NARS2: variants seen among roughly 807,000 people sequenced by gnomAD.
NARS2 encodes asparaginyl-tRNA synthetase 2, mitochondrial, also known as asparaginyl-tRNA synthetase.
NARS2 carries 60 observed loss-of-function variants against 62.9 expected under a neutral mutation model. The observed-to-expected ratio is 0.95, with a 90% CI of 0.77 to 1.18. The LOEUF (loss-of-function observed/expected upper bound fraction) is 1.18, where lower values mean the gene tolerates loss of function less well. NARS2 is among the 50% of genes most tolerant of loss of function. NARS2 has a pLI of 0.00. For synonymous variants in NARS2, 196 were observed against 200.0 expected, an observed-to-expected ratio of 0.98 and a Z score of 0.17; for missense variants, 619 against 576.4, an observed-to-expected ratio of 1.07 and a Z score of -0.76.
intron 5 of NARS2, among the ~76,000 whole-genome samples, chr11:78,541,944 T>C (rs1357981445): frequency 1.3e-5 from 2 of 152,200 alleles, no homozygotes; most frequent in African/African-American, 4.8e-5. Context: ...TATGTTAGTT[T>C]TGGGATTTGC....
intron 11 of NARS2, among the ~76,000 whole-genome samples, chr11:78,458,925 G>GT (rs199817987): frequency 0.032 from 4,738 of 149,430 alleles, 105 homozygotes; most frequent in Non-Finnish European, 0.045. Context: ...TTGTTTGTTT[G>GT]TTTGTTTTTT....
At chr11:78,566,848 C>G (rs1684111362) in intron 3 of NARS2, among the ~76,000 whole-genome samples, 1 of 152,138 alleles carries the variant, frequency 6.6e-6, no homozygotes, top group African/African-American at 2.4e-5. Context: ...TGCTCACATT[C>G]ATGTTACAAG....
intron 11 of NARS2, among the ~76,000 whole-genome samples, chr11:78,463,713 C>CAAAAAAAAAA (rs10649252): frequency 4.2e-5 from 2 of 47,988 alleles, no homozygotes; most frequent in African/African-American, 8.0e-5. Flanking sequence ...TAGTTAAGGT[C>CAAAAAAAAAA]AAAAAAAAAA....
At chr11:78,454,907 G>A (rs918633103) in intron 11 of NARS2, among the ~76,000 whole-genome samples, 6 of 152,084 alleles carry the variant, frequency 3.9e-5, no homozygotes, top group Non-Finnish European at 5.9e-5. Context: ...ATGAGCCACC[G>A]TGCCCAGCCA....
Position 78,574,832 on chromosome 11 carries a change from A to C in NARS2, c.-344T>G. 3 of 238,844 alleles carry C rather than the reference A, an allele frequency of 1.3e-5. No homozygotes were observed. Among genetic ancestry groups the C allele is most frequent in the East Asian group, 1.0e-4 (1 of 9,746 alleles). The allele number at this position is 238,844 out of a possible 1,614,324, so 14.8% of individuals were successfully genotyped here. A position where few individuals can be genotyped will look rare whatever the true frequency, so the allele number is the denominator to read the frequency against. On this transcript the variant is annotated 5_prime_UTR_variant, in exon 1 of 14. Coordinates refer to ENST00000281038, the MANE Select transcript of NARS2 (RefSeq NM_024678.6). ...CAACACGCGCAACCACTCCTACCACACCACGCCAACGCCGCTTACGTCATC... is the reference window on the plus strand; with the variant it reads ...CAACACGCGCAACCACTCCTACCACCCCACGCCAACGCCGCTTACGTCATC...
chr11:78,516,137 C>A (rs1251942462), intron 6 of NARS2, among the ~76,000 whole-genome samples: 1 of 152,156 alleles, frequency 6.6e-6, no homozygotes, highest in African/African-American at 2.4e-5. Context: ...AGTTTTCTAT[C>A]TTTGGATAAT....
In NARS2 at chr11:78,568,329, T is replaced by A. The variant is rs144819388; in HGVS notation, c.372+303A>T. ...GTTCTACATCATGCAAAAGTCATTC[T>A]TGGCTTTCCTAAGAATGAGCCCACC... On this transcript the variant is annotated intron_variant, in intron 3 of 13. Coordinates refer to ENST00000281038, the MANE Select transcript of NARS2 (RefSeq NM_024678.6). Among the ~76,000 whole-genome samples the A allele has an allele frequency of 2.2e-3, 340 of 152,318 alleles. 2 individuals are homozygous for A. The highest frequency in any genetic ancestry group is 3.6e-3 in the Non-Finnish European group (243 of 68,028).
In NARS2 at chr11:78,463,072, ATTTG is replaced by A. The variant is rs573094533; in HGVS notation, c.1164+2800_1164+2803del. 5.9e-3 allele frequency among the ~76,000 whole-genome samples: 900 copies of A among 152,248 alleles called. 7 individuals carry two copies. The highest frequency in any genetic ancestry group is 0.021 in the African/African-American group (862 of 41,544). On this transcript the variant is annotated intron_variant, in intron 11 of 13. Transcript: ENST00000281038. ...TTATTGCCAACTTTAAAATTTAATTATTTGTTTTTCACATAGGGGGCTCCCTCTG... is the reference window on the plus strand; with the variant it reads ...TTATTGCCAACTTTAAAATTTAATTATTTTTCACATAGGGGGCTCCCTCTG...
intron 4 of NARS2, among the ~76,000 whole-genome samples, chr11:78,560,774 A>G (rs1856530870): frequency 6.6e-6 from 1 of 152,234 alleles, no homozygotes; most frequent in Non-Finnish European, 1.5e-5. Flanking sequence ...ACTTAATCTG[A>G]CAGCAACATG....
At chr11:78,467,853 G>C (rs1858687756) in intron 10 of NARS2, among the ~76,000 whole-genome samples, 1 of 151,850 alleles carries the variant, frequency 6.6e-6, no homozygotes, top group Non-Finnish European at 1.5e-5. Context: ...ATCTTCTTTT[G>C]TTGTTGTTCT....
At chr11:78,570,340 T>C (rs953081633) in intron 2 of NARS2, among the ~76,000 whole-genome samples, 14 of 152,216 alleles carry the variant, frequency 9.2e-5, no homozygotes, top group African/African-American at 3.1e-4. Context: ...CAAATTAGAA[T>C]AATGTTCTCT....
At chr11:78,539,339 G>A in intron 5 of NARS2, among the ~76,000 whole-genome samples, 1 of 152,254 alleles carries the variant, frequency 6.6e-6, no homozygotes. Flanking sequence ...TAAATTAGAT[G>A]TGAGGTTTGG....
Position 78,574,480 on chromosome 11 carries a change from C to T in NARS2, c.9G>A (p.Gly3=). ...GCACGGACCGCAGCAGGCAGCGGAC[C>T]CCCAGCATCCCGCGTCCGCCCAGGC... The part of the protein sequence containing the change: ML[G]VRCLLRSVRF... Residue 3 remains glycine (G), a synonymous_variant, in exon 1 of 14, where the codon GGG becomes GGA. Coordinates refer to ENST00000281038, the MANE Select transcript of NARS2 (RefSeq NM_024678.6). The T allele has an allele frequency of 6.2e-7, 1 of 1,611,414 alleles. No individual in the cohort carries two copies. Among genetic ancestry groups the T allele is most frequent in the Non-Finnish European group, 8.5e-7 (1 of 1,179,004 alleles).
chr11:78,484,031 C>A lies in NARS2; in HGVS notation c.823-5348G>T, dbSNP rs146934506. Among the ~76,000 whole-genome samples the A allele has an allele frequency of 4.0e-3, 604 of 152,170 alleles. 1 individual carries two copies. Among genetic ancestry groups the A allele is most frequent in the African/African-American group, 0.013 (527 of 41,532 alleles). ...TAATCAAAACAACATGGTACTGTTA[C>A]CAAAACAGATATGTGGACCCATGGA... is the stretch of plus-strand genomic sequence containing the variant. On this transcript the variant is annotated intron_variant, in intron 7 of 13. Coordinates refer to ENST00000281038, the MANE Select transcript of NARS2 (RefSeq NM_024678.6).
At chr11:78,516,269 T>C (rs1390102547) in intron 6 of NARS2, among the ~76,000 whole-genome samples, 2 of 152,286 alleles carry the variant, frequency 1.3e-5, no homozygotes, top group South Asian at 4.1e-4. Context: ...CACCATAAAA[T>C]GCTCTACAAT....
chr11:78,477,197 T>A (rs2135259427), intron 9 of NARS2, among the ~76,000 whole-genome samples: 1 of 152,328 alleles, frequency 6.6e-6, no homozygotes, highest in African/African-American at 2.4e-5. Context: ...TACTTCTTTC[T>A]TCATCTACTT....
intron 5 of NARS2, among the ~76,000 whole-genome samples, chr11:78,541,321 T>G (rs1422102916): frequency 6.6e-6 from 1 of 151,718 alleles, no homozygotes; most frequent in Non-Finnish European, 1.5e-5. Flanking sequence ...ACCTTTCCAA[T>G]AAGTCATGTC....
intron 7 of NARS2, among the ~76,000 whole-genome samples, chr11:78,491,747 G>A (rs1417857372): frequency 6.6e-6 from 1 of 152,096 alleles, no homozygotes; most frequent in Non-Finnish European, 1.5e-5. Flanking sequence ...GTTCTCAAGA[G>A]CACTCCCTAA....
At chr11:78,495,937 G>A (rs1860037696) in intron 6 of NARS2, among the ~76,000 whole-genome samples, 1 of 152,092 alleles carries the variant, frequency 6.6e-6, no homozygotes, top group Non-Finnish European at 1.5e-5. Context: ...GCAGCAATAG[G>A]GATTTTTAAA....
Sources: gnomAD v4.1 joint callset for allele counts (sites outside exome capture counted in the v4.1 genomes callset) on GRCh38, gnomAD v4.1.1 for gene constraint, MANE v1.5 for transcripts, NCBI Gene and HGNC (gene_info 2026-07-23, HGNC 2026-07-21) for gene names.